DMD: variants seen among roughly 807,000 people sequenced by gnomAD.
The protein encoded by DMD is dystrophin.
DMD carries 63 observed loss-of-function variants against 330.1 expected under a neutral mutation model. The ratio of observed to expected loss-of-function variants is 0.19; its 90% CI spans 0.16 to 0.24. The LOEUF is 0.24. Among genes scored for constraint, DMD ranks in the 10% least tolerant of loss-of-function variants. The pLI, the probability that DMD is intolerant of heterozygous loss-of-function variation, is 1.00. For missense variants in DMD, 3,344 were observed against 2,684.1 expected (o/e 1.25, Z -5.43); for synonymous variants, 1,223 against 959.8 (o/e 1.27, Z -5.07).
At chrX:32,006,803 AC>A (rs2095664583) in intron 44 of DMD, among the ~76,000 whole-genome samples, 1 of 110,017 alleles carries the variant, frequency 9.1e-6, no homozygotes, top group Non-Finnish European at 1.9e-5. Flanking sequence ...AATAGCAAAG[AC>A]TTGGAACCAA....
At chrX:32,293,057 G>T (rs990531395) in intron 42 of DMD, among the ~76,000 whole-genome samples, 1 of 112,595 alleles carries the variant, frequency 8.9e-6, no homozygotes, top group Non-Finnish European at 1.9e-5. Flanking sequence ...GTGATGGAAA[G>T]CTTTCATTAT....
At chrX:31,456,872 G>A (rs1319487262) in intron 59 of DMD, among the ~76,000 whole-genome samples, 1 of 98,075 alleles carries the variant, frequency 1.0e-5, no homozygotes, top group Non-Finnish European at 2.0e-5. Context: ...GTGTGTGTGT[G>A]TGTGTATATA....
At chrX:31,421,916 TATATATATATATATATACACAC>T (rs2063399407) in intron 60 of DMD, among the ~76,000 whole-genome samples, 1 of 62,151 alleles carries the variant, frequency 1.6e-5, no homozygotes, top group African/African-American at 9.9e-5. Context: ...CACACACACA[TATATATATATATATATACACAC>T]ACACATATAT....
chrX:32,557,270 T>C (rs1185835332), intron 16 of DMD, among the ~76,000 whole-genome samples: 2 of 111,985 alleles, frequency 1.8e-5, no homozygotes, highest in Non-Finnish European at 3.8e-5. Flanking sequence ...TACACTTTTT[T>C]GAATGGTGGT....
intron 44 of DMD, among the ~76,000 whole-genome samples, chrX:32,090,527 C>T (rs1335150380): frequency 3.6e-5 from 4 of 111,129 alleles, no homozygotes; most frequent in Non-Finnish European, 5.7e-5. Context: ...GGGGATTATT[C>T]GTCAGCGTTA....
chrX:31,968,697 C>A (rs1426802669), intron 44 of DMD, among the ~76,000 whole-genome samples, 183 bp from the exon 45 acceptor site: 1 of 111,579 alleles, frequency 9.0e-6, no homozygotes, highest in African/African-American at 3.2e-5. Flanking sequence ...CAGAAAGACA[C>A]CTTTTATGTG....
chrX:32,512,061 C>G (rs537106653), intron 18 of DMD, among the ~76,000 whole-genome samples: 3 of 111,103 alleles, frequency 2.7e-5, no homozygotes, highest in African/African-American at 9.8e-5. Context: ...AATGGGTAAC[C>G]TAAATGCAAA....
chrX:32,467,520 T>C (rs1269536828), intron 23 of DMD, among the ~76,000 whole-genome samples: 1 of 109,939 alleles, frequency 9.1e-6, no homozygotes, highest in Non-Finnish European at 1.9e-5. Context: ...AAATAAGTTA[T>C]TACTATATAT....
At chrX:32,739,330 A>T (rs754536428) in intron 7 of DMD, among the ~76,000 whole-genome samples, 2 of 111,608 alleles carry the variant, frequency 1.8e-5, no homozygotes, top group South Asian at 7.4e-4. Flanking sequence ...CTTTTACCCT[A>T]ATGTGGCAAA....
intron 11 of DMD, among the ~76,000 whole-genome samples, chrX:32,633,286 A>G (rs1299235312): frequency 9.0e-6 from 1 of 111,589 alleles, no homozygotes; most frequent in Admixed American, 9.5e-5. Flanking sequence ...TTTCACAGAT[A>G]TCTAGAGCAT....
At chrX:32,801,488 C>T (rs1331560605) in intron 7 of DMD, among the ~76,000 whole-genome samples, 1 of 111,847 alleles carries the variant, frequency 8.9e-6, no homozygotes, top group Non-Finnish European at 1.9e-5. Flanking sequence ...TGATAGTTTT[C>T]TTTTGCTGTG....
intron 53 of DMD, among the ~76,000 whole-genome samples, chrX:31,661,359 CT>C (rs11385193): frequency 1.1e-3 from 114 of 102,812 alleles, no homozygotes; most frequent in East Asian, 3.6e-3. Flanking sequence ...CAAAGGTAGC[CT>C]TTTTTTTTTT....
At chrX:32,356,709 ATC>A (rs2097802267) in intron 37 of DMD, among the ~76,000 whole-genome samples, 3 of 111,485 alleles carry the variant, frequency 2.7e-5, no homozygotes, top group Non-Finnish European at 5.6e-5. Context: ...GTATATCTAA[ATC>A]TCTAGAAAAA....
chrX:32,605,480 G>C (rs2056614532), intron 12 of DMD, among the ~76,000 whole-genome samples: 1 of 109,748 alleles, frequency 9.1e-6, no homozygotes, highest in African/African-American at 3.3e-5. Flanking sequence ...AACTCTTCTC[G>C]ACACTGGCTT....
chrX:32,682,867 A>G (rs1468421431), intron 9 of DMD, among the ~76,000 whole-genome samples: 3 of 112,066 alleles, frequency 2.7e-5, no homozygotes, highest in Non-Finnish European at 5.6e-5. Flanking sequence ...CCAGCACAAG[A>G]CCTTTCAGAA....
At chrX:32,544,455 C>G (rs1347871756) in intron 17 of DMD, among the ~76,000 whole-genome samples, 1 of 111,427 alleles carries the variant, frequency 9.0e-6, no homozygotes, top group Non-Finnish European at 1.9e-5. Flanking sequence ...ATTACAATAA[C>G]TGGAATGAAA....
At chrX:33,013,834 T>TGTGC (rs1557211190) in intron 2 of DMD, among the ~76,000 whole-genome samples, 4 of 111,806 alleles carry the variant, frequency 3.6e-5, no homozygotes, top group African/African-American at 1.3e-4. Context: ...TGTGTGTGTG[T>TGTGC]GCGCGCACGC....
At chrX:32,791,833 G>A (rs1364505820) in intron 7 of DMD, among the ~76,000 whole-genome samples, 1 of 111,820 alleles carries the variant, frequency 8.9e-6, no homozygotes, top group South Asian at 3.7e-4. Context: ...AATAATAGAT[G>A]AAATCTTCCC....
intron 2 of DMD, among the ~76,000 whole-genome samples, chrX:32,900,205 T>C (rs1419952567): frequency 2.7e-5 from 3 of 112,085 alleles, no homozygotes; most frequent in Non-Finnish European, 5.6e-5. Flanking sequence ...TTGCTGAAAA[T>C]ACATACACAT....
Sources: gnomAD v4.1 joint callset for allele counts (sites outside exome capture counted in the v4.1 genomes callset) on GRCh38, gnomAD v4.1.1 for gene constraint, MANE v1.5 for transcripts, NCBI Gene and HGNC (gene_info 2026-07-23, HGNC 2026-07-21) for gene names.